Variants in AFF1 observed in about 807,000 individuals in gnomAD.
AFF1 encodes ALF transcription elongation factor 1.
In AFF1, 48 loss-of-function variants were observed where a neutral mutation model predicts 121.7. The observed-to-expected ratio is 0.39, with a 90% CI of 0.31 to 0.50. AFF1 has a LOEUF of 0.50. Ranked by LOEUF, AFF1 falls within the 20% of genes least tolerant of loss-of-function variation. The pLI is 0.76. For synonymous variants in AFF1, 613 were observed against 563.0 expected (o/e 1.09, Z -1.26); for missense variants, 1,523 against 1,511.7 (o/e 1.01, Z -0.12).
chr4:87,001,281 A>G (rs1490882992), intron 2 of AFF1, among the ~76,000 whole-genome samples: 1 of 124,892 alleles, frequency 8.0e-6, no homozygotes, highest in Non-Finnish European at 1.6e-5. Context: ...CAGTGGTGCA[A>G]TCTCGGCTCA....
intron 2 of AFF1, among the ~76,000 whole-genome samples, chr4:86,984,331 CTT>C (rs1350597456): frequency 4.0e-5 from 5 of 126,186 alleles, no homozygotes; most frequent in Non-Finnish European, 3.4e-5. Flanking sequence ...ATTTTTTTTT[CTT>C]TTTTTTTTTT....
chr4:87,010,034 GTGT>G (rs1726578815), intron 2 of AFF1, among the ~76,000 whole-genome samples: 4 of 152,176 alleles, frequency 2.6e-5, no homozygotes, highest in Admixed American at 2.6e-4. Flanking sequence ...GGATTAGGCG[GTGT>G]ATTCCCATCC....
Position 87,029,262 on chromosome 4 carries a change from C to G in AFF1, c.39-16904C>G, listed in dbSNP as rs140091751. Among the ~76,000 whole-genome samples, 196 of 152,206 alleles carry G rather than the reference C, an allele frequency of 1.3e-3. 1 individual carries two copies. The highest frequency in any genetic ancestry group is 4.3e-3 in the African/African-American group (180 of 41,524). On this transcript the variant is annotated intron_variant, in intron 2 of 20. Transcript: ENST00000395146. ...AGAGTTATAAGGGGAAACAAGGTCT[C>G]CCTGAGTGCAGGTGGGGCATAGAGG...
intron 2 of AFF1, chr4:87,020,904 T>A: frequency 6.7e-6 from 6 of 898,940 alleles, no homozygotes; most frequent in Non-Finnish European, 8.0e-6. Flanking sequence ...ATAGGTGATA[T>A]TTCTTAAAAA....
At chr4:86,951,544 G>A (rs917446785) in intron 2 of AFF1, among the ~76,000 whole-genome samples, 1 of 149,954 alleles carries the variant, frequency 6.7e-6, no homozygotes, top group African/African-American at 2.5e-5. Flanking sequence ...AATATATATT[G>A]TACATTTCAT....
At chr4:86,944,642 C>T (rs907859377) in intron 1 of AFF1, among the ~76,000 whole-genome samples, 1 of 152,112 alleles carries the variant, frequency 6.6e-6, no homozygotes, top group African/African-American at 2.4e-5. Flanking sequence ...CGCCCAGCCT[C>T]GAGGTCTTAT....
At chr4:87,122,936 C>A (rs1727861130) in intron 12 of AFF1, among the ~76,000 whole-genome samples, 1 of 148,408 alleles carries the variant, frequency 6.7e-6, no homozygotes, top group South Asian at 2.1e-4. Context: ...ATTCTGATGC[C>A]CAGGCTGGAG....
chr4:87,096,782 C>G (rs1216102392), intron 8 of AFF1, among the ~76,000 whole-genome samples: 1 of 151,618 alleles, frequency 6.6e-6, no homozygotes, highest in African/African-American at 2.4e-5. Context: ...TATGTTTTAA[C>G]ATATTTTTAG....
At chr4:87,093,425 T>G (rs1170345325) in intron 7 of AFF1, among the ~76,000 whole-genome samples, 1 of 152,230 alleles carries the variant, frequency 6.6e-6, no homozygotes, top group Non-Finnish European at 1.5e-5. Context: ...CAAACATTTC[T>G]TAAAGTATGC....
At chr4:87,056,844 A>T (rs1473817982) in intron 4 of AFF1, among the ~76,000 whole-genome samples, 1 of 152,190 alleles carries the variant, frequency 6.6e-6, no homozygotes, top group Admixed American at 6.5e-5. Context: ...TATGATGAAA[A>T]CTATTCTAAA....
At chr4:87,103,638 T>A (rs1725639527) in intron 8 of AFF1, among the ~76,000 whole-genome samples, 1 of 152,240 alleles carries the variant, frequency 6.6e-6, no homozygotes, top group Non-Finnish European at 1.5e-5. Flanking sequence ...ATTTTCATGG[T>A]GCCTGTTTAT....
At chr4:87,007,564 G>T in intron 2 of AFF1, 1 of 1,178,402 alleles carries the variant, frequency 8.5e-7, no homozygotes, top group Non-Finnish European at 1.2e-6. Flanking sequence ...CGAGGCTGTG[G>T]CTTGACTAAA....
intron 1 of AFF1, among the ~76,000 whole-genome samples, chr4:86,941,384 G>T (rs562148618): frequency 1.3e-5 from 2 of 151,836 alleles, no homozygotes; most frequent in African/African-American, 2.4e-5. Flanking sequence ...CGGGCCGGCC[G>T]CAGTGGGTCA....
At chr4:87,028,074 C>CA (rs1305984205) in intron 2 of AFF1, among the ~76,000 whole-genome samples, 11 of 149,862 alleles carry the variant, frequency 7.3e-5, no homozygotes, top group South Asian at 2.1e-4. Flanking sequence ...TTCCAAAATC[C>CA]AAAAAAAAGA....
At chr4:87,092,006 A>G (rs1724366746) in intron 7 of AFF1, among the ~76,000 whole-genome samples, 177 bp downstream of exon 7, 1 of 152,234 alleles carries the variant, frequency 6.6e-6, no homozygotes, top group African/African-American at 2.4e-5. Flanking sequence ...ATTGTTGACC[A>G]GGCGCAGTGG....
At chr4:87,063,228 CTTTTTTTTTTTTTTTTTTTTTT>C (rs569577993) in intron 4 of AFF1, among the ~76,000 whole-genome samples, 2 of 44,402 alleles carry the variant, frequency 4.5e-5, no homozygotes, top group Non-Finnish European at 8.4e-5. Flanking sequence ...AGATTCACCT[CTTTTTTTTTTTTTTTTTTTTTT>C]TTTTTTGAGA....
chr4:87,009,967 AGTTT>A (rs1424572514), intron 2 of AFF1, among the ~76,000 whole-genome samples: 1 of 152,310 alleles, frequency 6.6e-6, no homozygotes, highest in East Asian at 1.9e-4. Context: ...TTCATTGTTT[AGTTT>A]GATTCCTGAT....
intron 2 of AFF1, among the ~76,000 whole-genome samples, chr4:86,995,903 G>A (rs1725128793): frequency 6.6e-6 from 1 of 151,770 alleles, no homozygotes; most frequent in Non-Finnish European, 1.5e-5. Flanking sequence ...TCTGAGATGT[G>A]GGGAGCACCT....
rs1289817115 is a variant in AFF1, at chr4:87,114,844, C to T, written c.2011C>T (p.Pro671Ser). 1.2e-6 allele frequency: 2 copies of T among 1,613,568 alleles called. No homozygotes were observed. The highest frequency in any genetic ancestry group is 1.7e-6 in the Non-Finnish European group (2 of 1,179,868). Residue 671 changes from proline to serine, a missense_variant, in exon 12 of 21, where the codon CCC (proline) becomes TCC (serine). Pro to Ser is a moderately conservative substitution (Grantham distance 74, BLOSUM62 -1). This residue lies in a region of AFF1 where 905 missense variants were observed against 842.5 expected (regional missense o/e 1.07). Coordinates refer to ENST00000395146, the MANE Select transcript of AFF1 (RefSeq NM_001166693.3). ...AASNEPKPAV[P>S]PSSEKKKHKS... ...AAGCAACGAACCCAAGCCAGCAGTG[C>T]CCCCCTCCAGTGAGAAGAAGAAGCA...
Sources: gnomAD v4.1 joint callset for allele counts (sites outside exome capture counted in the v4.1 genomes callset) on GRCh38, gnomAD v4.1.1 for gene constraint, gnomAD v4.1.1 regional missense constraint, MANE v1.5 for transcripts, NCBI Gene and HGNC (gene_info 2026-07-23, HGNC 2026-07-21) for gene names.